SOX6: variants seen among roughly 807,000 people sequenced by gnomAD.
The protein encoded by SOX6 is transcription factor SOX-6.
SOX6 carries 11 observed loss-of-function variants against 97.8 expected under a neutral mutation model. The observed-to-expected ratio is 0.11, with a 90% CI of 0.07 to 0.19. The LOEUF (loss-of-function observed/expected upper bound fraction) is 0.19, where lower values mean the gene tolerates loss of function less well. Among genes scored for constraint, SOX6 ranks in the 10% least tolerant of loss-of-function variants. The pLI is 1.00. For synonymous variants in SOX6, 360 were observed against 371.4 expected (o/e 0.97, Z 0.35); for missense variants, 810 against 1,039.5 (o/e 0.78, Z 3.04).
At chr11:16,530,072 G>GA (rs558523408) in intron 4 of SOX6, among the ~76,000 whole-genome samples, 14 of 149,906 alleles carry the variant, frequency 9.3e-5, no homozygotes, top group East Asian at 2.0e-4. Context: ...ACATATAACA[G>GA]AAAAAAAAAC....
intron 1 of SOX6, chr11:16,402,586 A>G (rs1590189050): frequency 1.4e-6 from 2 of 1,450,380 alleles, no homozygotes; most frequent in East Asian, 2.3e-5. Context: ...TGACAAAGAA[A>G]TATCGCTTTG....
intron 3 of SOX6, among the ~76,000 whole-genome samples, chr11:16,702,179 T>G (rs2134042072): frequency 6.6e-6 from 1 of 152,302 alleles, no homozygotes; most frequent in South Asian, 2.1e-4. Context: ...TAGCACAGAA[T>G]AGTAAATAAT....
chr11:16,169,756 A>T (rs774787441), intron 6 of SOX6, among the ~76,000 whole-genome samples: 2 of 152,116 alleles, frequency 1.3e-5, no homozygotes, highest in Admixed American at 6.6e-5. Flanking sequence ...GACAGAAAAG[A>T]TCCAAAGTAT....
chr11:16,649,186 A>G (rs1183286401), intron 3 of SOX6, among the ~76,000 whole-genome samples: 1 of 152,218 alleles, frequency 6.6e-6, no homozygotes, highest in Non-Finnish European at 1.5e-5. Flanking sequence ...AGAAGTTTGG[A>G]AAACTTATTT....
intron 12 of SOX6, among the ~76,000 whole-genome samples, chr11:16,033,768 C>T (rs899589454): frequency 5.9e-5 from 9 of 151,820 alleles, no homozygotes; most frequent in Admixed American, 3.3e-4. Flanking sequence ...GCTACTGGGG[C>T]GGCTGAGACA....
intron 3 of SOX6, among the ~76,000 whole-genome samples, chr11:16,657,929 C>T (rs1049898956): frequency 6.6e-6 from 1 of 152,178 alleles, no homozygotes; most frequent in African/African-American, 2.4e-5. Context: ...TGTTATAGCA[C>T]ATAATTGGAG....
chr11:16,025,220 C>A (rs1855181406), intron 12 of SOX6, among the ~76,000 whole-genome samples: 1 of 152,134 alleles, frequency 6.6e-6, no homozygotes, highest in Non-Finnish European at 1.5e-5. Flanking sequence ...AGTTGTGTGG[C>A]AGCCTAACTC....
intron 3 of SOX6, among the ~76,000 whole-genome samples, chr11:16,701,328 T>C (rs537506723): frequency 2.2e-4 from 34 of 152,286 alleles, no homozygotes; most frequent in Non-Finnish European, 4.6e-4. Context: ...AATGGGAACA[T>C]TTATTCTTAT....
Position 16,733,515 on chromosome 11 carries a change from G to A in SOX6, n.353+2824C>T, listed in dbSNP as rs776222617. On this transcript the variant is annotated intron_variant and non_coding_transcript_variant, in intron 2 of 5. Coordinates refer to the SOX6 transcript ENST00000524520. Reference sequence around the variant, plus strand: ...ACACGACATGTTCCCACTCATAAGCGGCAGTTGAACAATGAGAACACATGG... The same window carrying A: ...ACACGACATGTTCCCACTCATAAGCAGCAGTTGAACAATGAGAACACATGG... 6.4e-4 allele frequency among the ~76,000 whole-genome samples: 97 copies of A among 150,912 alleles called. 1 individual carries two copies. Among genetic ancestry groups the A allele is most frequent in the Non-Finnish European group, 1.2e-3 (80 of 67,804 alleles).
intron 1 of SOX6, among the ~76,000 whole-genome samples, chr11:16,461,880 C>T (rs999646927): frequency 6.6e-5 from 10 of 152,142 alleles, no homozygotes; most frequent in South Asian, 6.2e-4. Flanking sequence ...TAGACACTAG[C>T]GACACAAATA....
At chr11:16,419,065 T>C (rs1858978605) in intron 1 of SOX6, among the ~76,000 whole-genome samples, 1 of 152,196 alleles carries the variant, frequency 6.6e-6, no homozygotes, top group Non-Finnish European at 1.5e-5. Context: ...TTAAAGTCAA[T>C]GCAAAATTTC....
At chr11:16,635,233 T>A (rs763959877) in intron 3 of SOX6, among the ~76,000 whole-genome samples, 52 of 152,098 alleles carry the variant, frequency 3.4e-4, no homozygotes, top group African/African-American at 8.2e-4. Context: ...CAGAAGAAGA[T>A]AGGAAAATGT....
rs537446369 is a variant in SOX6, at chr11:16,076,624, A to G, written c.1101+19372T>C. On this transcript the variant is annotated intron_variant, in intron 9 of 15. Transcript: ENST00000683767. ...TGGTTCTGCAGGCTGTACAGGAAGC[A>G]TGGCTGGGAGGCCCTAGGAAACTTA... Among the ~76,000 whole-genome samples the G allele has an allele frequency of 4.6e-5, 7 of 151,804 alleles. No homozygotes were observed. The South Asian group carries it at 1.5e-3, about 32-fold the overall frequency.
intron 4 of SOX6, among the ~76,000 whole-genome samples, chr11:16,493,743 C>T (rs769190725): frequency 4.6e-5 from 7 of 152,002 alleles, no homozygotes; most frequent in South Asian, 4.1e-4. Flanking sequence ...ACTAAAACAA[C>T]GAGATGTCAG....
At chr11:16,409,180 C>T (rs1858744179) in intron 1 of SOX6, among the ~76,000 whole-genome samples, 2 of 151,828 alleles carry the variant, frequency 1.3e-5, no homozygotes, top group Admixed American at 6.6e-5. Flanking sequence ...GAAAGATAAT[C>T]ACCAAAATAA....
intron 3 of SOX6, among the ~76,000 whole-genome samples, chr11:16,629,527 C>T (rs1848674337): frequency 6.6e-6 from 1 of 152,090 alleles, no homozygotes; most frequent in African/African-American, 2.4e-5. Context: ...TGTGTCTATA[C>T]TCACCAGGAA....
At position 16,278,557 on chromosome 11, in the gene SOX6, A is replaced by G. The variant is rs1003188532; in HGVS notation, c.445+39889T>C. ...AACTTGCACCTGCAAATAGATGGTG[A>G]CTATTTCTCTTCCAAGTGAAAACTA... is the stretch of plus-strand genomic sequence containing the variant. On this transcript the variant is annotated intron_variant, in intron 3 of 15. Coordinates refer to ENST00000683767, the MANE Select transcript of SOX6 (RefSeq NM_001367873.1). Among the ~76,000 whole-genome samples, 7 of 152,226 alleles carry G rather than the reference A, an allele frequency of 4.6e-5. No individual in the cohort carries two copies. The East Asian group carries it at 1.4e-3, about 29-fold the overall frequency.
At chr11:16,498,565 T>C (rs1860648929) in intron 4 of SOX6, among the ~76,000 whole-genome samples, 2 of 151,908 alleles carry the variant, frequency 1.3e-5, no homozygotes, top group African/African-American at 4.8e-5. Context: ...AGGAAACCCA[T>C]CTCACGTGCA....
At chr11:16,563,458 C>A (rs1847837228) in intron 4 of SOX6, among the ~76,000 whole-genome samples, 1 of 151,898 alleles carries the variant, frequency 6.6e-6, no homozygotes, top group African/African-American at 2.4e-5. Context: ...TTAAAACAAA[C>A]AAACAAACAA....
Sources: allele counts gnomAD v4.1 joint callset (sites outside exome capture counted in the v4.1 genomes callset), GRCh38; gene constraint gnomAD v4.1.1; transcripts MANE v1.5; gene names NCBI Gene and HGNC (gene_info 2026-07-23, HGNC 2026-07-21).